Variants in VASH2 observed in about 807,000 individuals in gnomAD.
The protein encoded by VASH2 is tubulinyl-Tyr carboxypeptidase 2.
Under a neutral mutation model 37.2 loss-of-function variants are expected in VASH2, and 28 were observed. The observed-to-expected ratio is 0.75, with a 90% CI of 0.56 to 1.03. The LOEUF is 1.03. Among genes scored for constraint, VASH2 ranks in the 50% least tolerant of loss-of-function variants. The pLI is 0.00. For synonymous variants in VASH2, 188 were observed against 174.7 expected (o/e 1.08, Z -0.60); for missense variants, 419 against 459.1 (o/e 0.91, Z 0.80).
intron 2 of VASH2, among the ~76,000 whole-genome samples, chr1:212,958,502 T>C (rs1027225144): frequency 6.6e-6 from 1 of 152,182 alleles, no homozygotes; most frequent in Admixed American, 6.5e-5. Flanking sequence ...CCAGCTCTTG[T>C]GGGCTCTGCT....
chr1:212,964,379 G>A (rs1030360622), intron 3 of VASH2, among the ~76,000 whole-genome samples: 9 of 152,224 alleles, frequency 5.9e-5, no homozygotes, highest in African/African-American at 2.2e-4. Flanking sequence ...CTGGCCTGCA[G>A]CAGCTCTGGG....
At chr1:212,980,519 G>A (rs925596930) in intron 7 of VASH2, among the ~76,000 whole-genome samples, 1 of 152,080 alleles carries the variant, frequency 6.6e-6, no homozygotes, top group Non-Finnish European at 1.5e-5. Context: ...TGCCCTGCTG[G>A]ACACCCTGGG....
chr1:212,972,705 G>T lies in VASH2; in HGVS notation c.623G>T (p.Gly208Val), dbSNP rs190097084. 1 of 1,614,104 alleles carries T rather than the reference G, an allele frequency of 6.2e-7. No homozygotes were observed. The highest frequency in any genetic ancestry group is 1.3e-5 in the African/African-American group (1 of 74,920). Residue 208 changes from glycine (G) to valine (V), a missense_variant, in exon 6 of 8, where the codon GGC becomes GTC. Gly to Val is a moderately radical substitution (Grantham distance 109). Transcript: ENST00000517399. ...TGCAATGGCCGCTATGGCTCATTGG[G>T]CATGAGCCGCAGGGCTGAGCTGATG... ...IYCNGRYGSLGMSRRAELMDK... is the reference protein window; with the variant it reads ...IYCNGRYGSLVMSRRAELMDK...
rs2075834570 is a variant in VASH2 at position 212,989,379 on chromosome 1, A to G, written c.*795A>G. The G allele has an allele frequency of 6.6e-6, 1 of 152,228 alleles. No homozygotes were observed. The highest frequency in any genetic ancestry group is 2.1e-4 in the South Asian group (1 of 4,838). The allele number at this position is 152,228 out of a possible 1,614,324, so 9.4% of individuals were successfully genotyped here. A position where few individuals can be genotyped will look rare whatever the true frequency, so the allele number is the denominator to read the frequency against. On this transcript the variant is annotated 3_prime_UTR_variant, in exon 8 of 8. Transcript: ENST00000517399. ...CTAACATTTAAACTTTGCAGACTCT[A>G]ACAAAAAGCACAAGAGGTCACGTAC...
At chr1:212,973,546 C>A (rs1572073684) in intron 6 of VASH2, 1 of 1,287,730 alleles carries the variant, frequency 7.8e-7, no homozygotes, top group East Asian at 5.5e-5. Context: ...TCAATTAAAA[C>A]CATTCTGTCA....
intron 5 of VASH2, among the ~76,000 whole-genome samples, chr1:212,966,593 G>A (rs1666856109): frequency 6.6e-6 from 1 of 152,182 alleles, no homozygotes; most frequent in African/African-American, 2.4e-5. Flanking sequence ...CCAGCTCTCA[G>A]GCCAGTGACC....
chr1:212,974,944 C>G (rs771455406), intron 7 of VASH2: 2 of 152,184 alleles, frequency 1.3e-5, no homozygotes, highest in Non-Finnish European at 2.9e-5. Flanking sequence ...GCCTATCTGA[C>G]ACGGTGGTTT....
chr1:212,964,100 C>T (rs1237159046), intron 3 of VASH2, among the ~76,000 whole-genome samples: 1 of 152,224 alleles, frequency 6.6e-6, no homozygotes, highest in Non-Finnish European at 1.5e-5. Flanking sequence ...CCCCCCAGCC[C>T]TCACCCTGGA....
chr1:212,986,515 T>C (rs1282441582), intron 7 of VASH2, among the ~76,000 whole-genome samples: 2 of 152,188 alleles, frequency 1.3e-5, no homozygotes, highest in Non-Finnish European at 2.9e-5. Flanking sequence ...TCTGTCCACA[T>C]TAGTGGGCTG....
intron 7 of VASH2, among the ~76,000 whole-genome samples, chr1:212,987,280 T>C (rs1667507732): frequency 6.6e-6 from 1 of 151,688 alleles, no homozygotes; most frequent in Admixed American, 6.6e-5. Context: ...TTTTAATACT[T>C]AAGAACAAGG....
Position 212,951,414 on chromosome 1 carries a change from G to GCCACGC in VASH2, c.-129_-128insCCACGC. 5.5e-6 allele frequency: 2 copies of GCCACGC among 366,148 alleles called. No individual in the cohort carries two copies. The highest frequency in any genetic ancestry group is 7.7e-6 in the Non-Finnish European group (2 of 260,976). 22.7% of individuals were successfully genotyped at this position (366,148 alleles called of 1,614,324 possible). A position where few individuals can be genotyped will look rare whatever the true frequency, so the allele number is the denominator to read the frequency against. Reference sequence around the variant, plus strand: ...CTTGGTGAGTCCTGCCGCAGCGAGAGGCATGGAGAAGGCCGCCCCCGCGGG... The same window carrying GCCACGC: ...CTTGGTGAGTCCTGCCGCAGCGAGAGCCACGCGCATGGAGAAGGCCGCCCCCGCGGG... On this transcript the variant is annotated 5_prime_UTR_variant, in exon 2 of 8. Coordinates refer to ENST00000517399, the MANE Select transcript of VASH2 (RefSeq NM_001301056.2). This position sits in a 1 kb window ranked among gnomAD's most constrained non-coding sequence, Gnocchi z 4.4.
intron 7 of VASH2, among the ~76,000 whole-genome samples, chr1:212,978,397 T>TG (rs906201565): frequency 6.6e-6 from 1 of 151,406 alleles, no homozygotes; most frequent in Non-Finnish European, 1.5e-5. Flanking sequence ...GGGAAGGGAG[T>TG]GGTCGGTCAC....
intron 5 of VASH2, chr1:212,966,953 C>A: frequency 4.4e-6 from 2 of 450,534 alleles, no homozygotes; most frequent in East Asian, 7.2e-5. Context: ...GTTTCACCAG[C>A]AGGCTGGTCT....
At chr1:212,966,897 TTTTG>T (rs74221538) in intron 5 of VASH2, 2 of 365,520 alleles carry the variant, frequency 5.5e-6, no homozygotes, top group South Asian at 2.1e-5. Flanking sequence ...CCGGCTAATT[TTTTG>T]TTTGTTTGTT....
At chr1:212,958,901 CTTTT>C (rs1001836819) in intron 2 of VASH2, among the ~76,000 whole-genome samples, 6 of 145,768 alleles carry the variant, frequency 4.1e-5, no homozygotes, top group East Asian at 4.0e-4. Context: ...TTCTTTCTTT[CTTTT>C]TTTTTTAGTG....
At position 212,989,092 on chromosome 1, in the gene VASH2, T is replaced by C. The variant is rs1449567499; in HGVS notation, c.*508T>C. 6.3e-6 allele frequency: 1 copy of C among 158,122 alleles called. No homozygotes were observed. The highest frequency in any genetic ancestry group is 2.4e-5 in the African/African-American group (1 of 41,464). 9.8% of individuals were successfully genotyped at this position (158,122 alleles called of 1,614,324 possible). A position where few individuals can be genotyped will look rare whatever the true frequency, so the allele number is the denominator to read the frequency against. On this transcript the variant is annotated 3_prime_UTR_variant, in exon 8 of 8. Transcript: ENST00000517399. ...TGGCGTTTTGTTTTTTTATATTCTA[T>C]TTGTATTCTTTCCCCAGTATTTCCC...
chr1:212,951,738 A>C lies in VASH2; in HGVS notation c.196A>C (p.Met66Leu). The C allele has an allele frequency of 1.2e-6, 2 of 1,607,924 alleles. No homozygotes were observed. The highest frequency in any genetic ancestry group is 1.7e-6 in the Non-Finnish European group (2 of 1,178,200). The change falls in exon 2 of 8, where the codon ATG becomes CTG. Residue 66 changes from methionine to leucine, a missense_variant. Transcript: ENST00000517399. The surrounding 1 kb of genome is among the most constrained non-coding windows in gnomAD (Gnocchi z 4.4). ...CATCGACAGCCACACCTGGGAGCGC[A>C]TGTGGATGCACGTGGCCAAGGTGCA... ...FPIDSHTWER[M>L]WMHVAKVHPK...
chr1:212,962,592 C>A (rs560953596), intron 3 of VASH2, among the ~76,000 whole-genome samples: 6 of 152,330 alleles, frequency 3.9e-5, no homozygotes, highest in African/African-American at 7.2e-5. Flanking sequence ...GCACCTCCCC[C>A]ACAGGGGTTG....
At chr1:212,982,576 G>A (rs952641530) in intron 7 of VASH2, among the ~76,000 whole-genome samples, 3 of 152,192 alleles carry the variant, frequency 2.0e-5, no homozygotes, top group African/African-American at 7.2e-5. Context: ...AGCTCACCCA[G>A]CTCTGGCCCT....
Sources: allele counts gnomAD v4.1 joint callset (sites outside exome capture counted in the v4.1 genomes callset), GRCh38; gene constraint gnomAD v4.1.1; non-coding constraint Gnocchi (gnomAD v3.1); transcripts MANE v1.5; gene names NCBI Gene and HGNC (gene_info 2026-07-23, HGNC 2026-07-21).